NDUFA10: variants seen among roughly 807,000 people sequenced by gnomAD.
NDUFA10 encodes the protein NADH dehydrogenase [ubiquinone] 1 alpha subcomplex subunit 10, mitochondrial.
NDUFA10 carries 40 observed loss-of-function variants against 47.8 expected under a neutral mutation model. The ratio of observed to expected loss-of-function variants is 0.84; its 90% CI spans 0.65 to 1.09. The LOEUF is 1.09. NDUFA10 is among the 50% of genes least tolerant of loss of function. The probability of loss-of-function intolerance (pLI) is 0.00; values close to 1 mark genes in which losing one functional copy is unlikely to be tolerated. For synonymous variants in NDUFA10, 183 were observed against 172.2 expected, an observed-to-expected ratio of 1.06 and a Z score of -0.49; for missense variants, 413 against 451.1, an observed-to-expected ratio of 0.92 and a Z score of 0.76.
At position 240,017,096 on chromosome 2, in the gene NDUFA10, C is replaced by A. The variant is rs570546509; in HGVS notation, c.547+1457G>T. Among the ~76,000 whole-genome samples, 10 of 152,304 alleles carry A rather than the reference C, an allele frequency of 6.6e-5. 1 individual carries two copies. The highest frequency in any genetic ancestry group is 1.3e-4 in the Admixed American group (2 of 15,312). On this transcript the variant is annotated intron_variant, in intron 4 of 9. Transcript: ENST00000252711. Reference sequence around the variant, plus strand: ...CCACCCCAATTTCCTCCCAGATAGGCTCCTTCCCCTTCCGTCTCTCCTCAC... The same window carrying A: ...CCACCCCAATTTCCTCCCAGATAGGATCCTTCCCCTTCCGTCTCTCCTCAC...
Position 240,021,384 on chromosome 2 carries a change from A to T in NDUFA10, c.273T>A (p.Ile91=), listed in dbSNP as rs1697615604. The T allele has an allele frequency of 6.2e-6, 10 of 1,614,088 alleles. No homozygotes were observed. Among genetic ancestry groups the T allele is most frequent in the Non-Finnish European group, 8.5e-6 (10 of 1,180,042 alleles). Residue 91 remains isoleucine (I), a synonymous_variant, in exon 3 of 10, where the codon ATT becomes ATA. Transcript: ENST00000252711. ...CTCCTGTGGTACTGTCTGGATAATG[A>T]ATCCCCGCTTCAGGAAAGTGCTTGA... ...LGFKHFPEAG[I]HYPDSTTGDG... is the part of the protein sequence containing the mutation.
downstream of NDUFA10, among the ~76,000 whole-genome samples, chr2:239,956,098 C>G (rs1269640644): frequency 6.6e-6 from 1 of 152,114 alleles, no homozygotes; most frequent in Non-Finnish European, 1.5e-5. Flanking sequence ...AGGCCATTCC[C>G]GGTACACCCA....
intron 4 of NDUFA10, among the ~76,000 whole-genome samples, chr2:239,911,664 TGA>T (rs1299925751): frequency 2.9e-4 from 37 of 128,566 alleles, no homozygotes; most frequent in African/African-American, 9.0e-4. Flanking sequence ...CACCAAAACA[TGA>T]GAGAGTGTGT....
chr2:239,915,977 C>CACA (rs145684704), intron 4 of NDUFA10, among the ~76,000 whole-genome samples: 115,950 of 148,442 alleles, frequency 0.78, 45,577 homozygotes, highest in African/African-American at 0.91. Context: ...CATACACACA[C>CACA]ACACACACCC....
chr2:239,988,096 T>C (rs1696078440), intron 9 of NDUFA10, among the ~76,000 whole-genome samples: 1 of 152,094 alleles, frequency 6.6e-6, no homozygotes, highest in Admixed American at 6.5e-5. Flanking sequence ...AACAGATAAA[T>C]ATCCTAAATA....
At chr2:240,007,736 C>T (rs1238996535) in intron 6 of NDUFA10, among the ~76,000 whole-genome samples, 4 of 152,234 alleles carry the variant, frequency 2.6e-5, no homozygotes, top group African/African-American at 4.8e-5. Context: ...AGGCAGTGCC[C>T]GCTGCACGGA....
intron 4 of NDUFA10, among the ~76,000 whole-genome samples, chr2:239,902,765 G>T (rs1013490344): frequency 6.6e-6 from 1 of 152,264 alleles, no homozygotes; most frequent in South Asian, 2.1e-4. Context: ...ACCGTTTAGT[G>T]GCAGGGTGGT....
At position 240,018,569 on chromosome 2, in the gene NDUFA10, T is replaced by A. The variant is rs936640226; in HGVS notation, c.531A>T (p.Gly177=). 2 of 1,614,064 alleles carry A rather than the reference T, an allele frequency of 1.2e-6. No homozygotes were observed. Among genetic ancestry groups the A allele is most frequent in the African/African-American group, 2.7e-5 (2 of 74,910 alleles). Residue 177 remains glycine, a synonymous_variant, in exon 4 of 10, where the codon GGA becomes GGT. Coordinates refer to ENST00000252711, the MANE Select transcript of NDUFA10 (RefSeq NM_004544.4). ...FVFLEAMYNQ[G]FIRKQCVDHY... ...CTGACTCACACTGCTTTCGGATGAA[T>A]CCCTGGTTGTACATCGCCTCCAGGA...
chr2:240,008,378 A>G (rs1374890524), intron 6 of NDUFA10, among the ~76,000 whole-genome samples: 2 of 152,242 alleles, frequency 1.3e-5, no homozygotes, highest in Non-Finnish European at 2.9e-5. Flanking sequence ...AACTTACTGC[A>G]TTTGCCATTA....
At chr2:239,968,723 G>A (rs1311891822) in intron 9 of NDUFA10, among the ~76,000 whole-genome samples, 1 of 152,188 alleles carries the variant, frequency 6.6e-6, no homozygotes, top group Non-Finnish European at 1.5e-5. Flanking sequence ...AGTGTGTGCA[G>A]GGGGTAAAAC....
At chr2:239,897,976 G>T (rs537935333) in intron 4 of NDUFA10, among the ~76,000 whole-genome samples, 1 of 152,292 alleles carries the variant, frequency 6.6e-6, no homozygotes, top group Non-Finnish European at 1.5e-5. Context: ...ACTGGGAGAA[G>T]GAACCATCCC....
chr2:239,985,650 G>A (rs2106435974), intron 9 of NDUFA10, among the ~76,000 whole-genome samples: 1 of 152,188 alleles, frequency 6.6e-6, no homozygotes, highest in Middle Eastern at 3.4e-3. Context: ...TGTGGCAAGA[G>A]CGATACAGAC....
intron 9 of NDUFA10, among the ~76,000 whole-genome samples, chr2:239,983,905 A>C (rs1381421901): frequency 6.6e-6 from 1 of 152,188 alleles, no homozygotes; most frequent in African/African-American, 2.4e-5. Context: ...GGGAAAAACT[A>C]AGGTAATCTG....
At chr2:240,007,814 C>T (rs1340234901) in intron 6 of NDUFA10, among the ~76,000 whole-genome samples, 1 of 151,958 alleles carries the variant, frequency 6.6e-6, no homozygotes, top group African/African-American at 2.4e-5. Context: ...GCACCCTCCA[C>T]AGCCCAGGGC....
chr2:239,977,065 G>C (rs1289115470), intron 9 of NDUFA10, among the ~76,000 whole-genome samples: 1 of 152,152 alleles, frequency 6.6e-6, no homozygotes, highest in African/African-American at 2.4e-5. Context: ...CACAGGAAGA[G>C]CTGGGAAACC....
intron 4 of NDUFA10, among the ~76,000 whole-genome samples, chr2:239,936,329 C>T (rs1694265689): frequency 6.6e-6 from 1 of 152,202 alleles, no homozygotes; most frequent in Non-Finnish European, 1.5e-5. Flanking sequence ...AGAGAATGGG[C>T]ATTGCTCCTG....
At position 239,959,246 on chromosome 2, in the gene NDUFA10, G is replaced by T; in HGVS notation, c.*1872C>A. 1.0e-6 allele frequency: 1 copy of T among 985,446 alleles called. No homozygotes were observed. Among genetic ancestry groups the T allele is most frequent in the Non-Finnish European group, 1.2e-6 (1 of 829,942 alleles). The allele number at this position is 985,446 out of a possible 1,614,324, so 61.0% of individuals were successfully genotyped here. ...CCCGAGTCCACACCATGCCGACACGGAGCCCTGCATGGTTGGAGAGCTCTG... is the reference window on the plus strand; with the variant it reads ...CCCGAGTCCACACCATGCCGACACGTAGCCCTGCATGGTTGGAGAGCTCTG... On this transcript the variant is annotated 3_prime_UTR_variant, in exon 10 of 10. Transcript: ENST00000252711.
At chr2:239,997,317 G>A (rs1305916780) in intron 8 of NDUFA10, among the ~76,000 whole-genome samples, 3 of 151,966 alleles carry the variant, frequency 2.0e-5, no homozygotes, top group East Asian at 1.9e-4. Flanking sequence ...CAGGTTCTTC[G>A]AAAAAGTTAA....
At chr2:239,898,099 A>G (rs543338467) in intron 4 of NDUFA10, among the ~76,000 whole-genome samples, 2 of 152,174 alleles carry the variant, frequency 1.3e-5, no homozygotes, top group African/African-American at 4.8e-5. Context: ...CAGCTCACAG[A>G]TGGAGCAAGG....
Sources: allele counts gnomAD v4.1 joint callset (sites outside exome capture counted in the v4.1 genomes callset), GRCh38; gene constraint gnomAD v4.1.1; transcripts MANE v1.5; gene names NCBI Gene and HGNC (gene_info 2026-07-23, HGNC 2026-07-21).